The following ERCC6 variants were observed in gnomAD, a reference collection of about 807,000 sequenced individuals.
ERCC6 encodes the protein DNA excision repair protein ERCC-6.
ERCC6 carries 116 observed loss-of-function variants against 158.7 expected under a neutral mutation model. The observed-to-expected ratio is 0.73, with a 90% CI of 0.63 to 0.85. The LOEUF (loss-of-function observed/expected upper bound fraction) is 0.85, where lower values mean the gene tolerates loss of function less well. ERCC6 is among the 40% of genes least tolerant of loss of function. The pLI is 0.00. For synonymous variants in ERCC6, 678 were observed against 659.3 expected, an observed-to-expected ratio of 1.03 and a Z score of -0.43; for missense variants, 1,698 against 1,799.4, an observed-to-expected ratio of 0.94 and a Z score of 1.02.
chr10:49,482,012 T>C (rs1436527125), intron 10 of ERCC6, among the ~76,000 whole-genome samples: 1 of 152,064 alleles, frequency 6.6e-6, no homozygotes, highest in Non-Finnish European at 1.5e-5. Flanking sequence ...AACCCAGCCC[T>C]CCCTGAGTGC....
At chr10:49,533,383 T>C (rs4253009) in intron 1 of ERCC6, among the ~76,000 whole-genome samples, 67,629 of 152,058 alleles carry the variant, frequency 0.44, 16,205 homozygotes, top group Non-Finnish European at 0.53. Flanking sequence ...CTGTAATGCA[T>C]AGGAACAGCG....
chr10:49,521,992 C>T (rs562951189), intron 5 of ERCC6, among the ~76,000 whole-genome samples: 3 of 152,224 alleles, frequency 2.0e-5, no homozygotes, highest in Admixed American at 2.0e-4. Context: ...ACTCTCACTT[C>T]CTAGAGTTGA....
chr10:49,515,091 T>G, intron 5 of ERCC6: 1 of 806,624 alleles, frequency 1.2e-6, no homozygotes, highest in Non-Finnish European at 1.7e-6. Context: ...GAAGGCAATG[T>G]GCTCTCTAAG....
intron 5 of ERCC6, among the ~76,000 whole-genome samples, chr10:49,508,725 C>A (rs1212463555): frequency 5.9e-5 from 9 of 152,128 alleles, no homozygotes. Flanking sequence ...ATAAGCAATA[C>A]TTCCTCATGT....
At chr10:49,506,810 G>GA (rs530639675) in intron 5 of ERCC6, among the ~76,000 whole-genome samples, 99 of 139,712 alleles carry the variant, frequency 7.1e-4, no homozygotes, top group Non-Finnish European at 9.3e-4. Context: ...CGTGAGTGGG[G>GA]AAAAAAAAAA....
rs554317505 is a variant in ERCC6, at chr10:49,476,660, G to A, written c.2287-350C>T. Among the ~76,000 whole-genome samples, 321 of 152,076 alleles carry A rather than the reference G, an allele frequency of 2.1e-3. 1 individual carries two copies. The highest frequency in any genetic ancestry group is 7.5e-3 in the African/African-American group (310 of 41,464). ...CCATGACCCATGCCATGCTCTACTC[G>A]GCAGACCTGACCAGAGACCACAACC... On this transcript the variant is annotated intron_variant, in intron 11 of 20. Transcript: ENST00000355832.
chr10:49,439,890 A>C, the ERCC6 span, among the ~76,000 whole-genome samples: 1 of 151,894 alleles, frequency 6.6e-6, no homozygotes, highest in East Asian at 1.9e-4. Flanking sequence ...AGTCACCTTC[A>C]CTCCAGTTCC....
rs116431130 is a variant in ERCC6, at chr10:49,473,541, T to C, written c.2645A>G (p.Tyr882Cys). ...EVFLRAQKYT[Y>C]LKMDGTTTIA... ...TGTAGTGGTACCATCCATCTTGAGATAGGTATACTTTTGGGCTCTAAGGAA... is the reference window on the plus strand; with the variant it reads ...TGTAGTGGTACCATCCATCTTGAGACAGGTATACTTTTGGGCTCTAAGGAA... The change falls in exon 14 of 21, where the codon TAT (tyrosine) becomes TGT (cysteine). Residue 882 changes from tyrosine to cysteine, a missense_variant. By Grantham distance (194) the Tyr-to-Cys change is radical. Transcript: ENST00000355832. 3.5e-5 allele frequency: 56 copies of C among 1,613,502 alleles called. No homozygotes were observed. Among genetic ancestry groups the C allele is most frequent in the East Asian group, 2.5e-4 (11 of 44,880 alleles).
chr10:49,486,720 T>A (rs941368642), intron 8 of ERCC6, among the ~76,000 whole-genome samples: 1 of 152,144 alleles, frequency 6.6e-6, no homozygotes, highest in Non-Finnish European at 1.5e-5. Context: ...AAACCAATAC[T>A]GAACAATGTG....
chr10:49,536,843 T>C (rs1262850101), intron 1 of ERCC6, among the ~76,000 whole-genome samples: 1 of 150,904 alleles, frequency 6.6e-6, no homozygotes, highest in Admixed American at 6.6e-5. Flanking sequence ...CTGAGAAGAG[T>C]AGCTGAAGCA....
intron 5 of ERCC6, among the ~76,000 whole-genome samples, chr10:49,522,841 G>A (rs762461275): frequency 1.4e-4 from 22 of 152,190 alleles, no homozygotes; most frequent in Admixed American, 2.6e-4. Context: ...AAGCTGTGCT[G>A]AGGGATGACA....
Position 49,461,475 on chromosome 10 carries a change from T to C in ERCC6, c.3860A>G (p.Asn1287Ser), listed in dbSNP as rs1477858337. ...TTTCAGGGCATCCTGGGCCACTCGG[T>C]TGGCTTCTGCCTCCACCAGTACATA... ...PDYVLVEAEA[N>S]RVAQDALKAL... The change falls in exon 19 of 21, where the codon AAC (asparagine) becomes AGC (serine). Residue 1287 changes from asparagine to serine, a missense_variant. By Grantham distance (46) the Asn-to-Ser change is conservative. Coordinates refer to ENST00000355832, the MANE Select transcript of ERCC6 (RefSeq NM_000124.4). 6.2e-6 allele frequency: 10 copies of C among 1,614,168 alleles called. No individual in the cohort carries two copies. The highest frequency in any genetic ancestry group is 8.5e-6 in the Non-Finnish European group (10 of 1,180,018).
In ERCC6 at chr10:49,476,220, T is replaced by C. The variant is rs1174268737; in HGVS notation, c.2377A>G (p.Met793Val). 1 of 1,609,612 alleles carries C rather than the reference T, an allele frequency of 6.2e-7. No homozygotes were observed. ...KEVYRILNGE[M>V]QIFSGLIALR... ...GCTTCTATTTTTTAGCTGACCTGCA[T>C]CTCTCCATTGAGAATCCTGTAAACT... is the stretch of plus-strand genomic sequence containing the variant. The change falls in exon 12 of 21, where the codon ATG becomes GTG. Residue 793 changes from methionine to valine, a missense_variant. Transcript: ENST00000355832.
the ERCC6 span, among the ~76,000 whole-genome samples, chr10:49,439,344 C>T: frequency 6.6e-6 from 1 of 152,372 alleles, no homozygotes; most frequent in East Asian, 1.9e-4. Flanking sequence ...GCTGCCAAGG[C>T]TTGGGGCTTG....
At chr10:49,530,072 C>G (rs1031585584) in intron 3 of ERCC6, among the ~76,000 whole-genome samples, 2 of 151,930 alleles carry the variant, frequency 1.3e-5, no homozygotes, top group African/African-American at 2.4e-5. Context: ...CACCAAGAAA[C>G]AGAGTGGAGA....
intron 8 of ERCC6, among the ~76,000 whole-genome samples, chr10:49,486,225 AAGTC>A (rs1851075728): frequency 6.6e-6 from 1 of 152,206 alleles, no homozygotes; most frequent in African/African-American, 2.4e-5. Context: ...CTCTGAGAGA[AAGTC>A]AGATCAAAGA....
chr10:49,450,828 T>C (rs1192381355), downstream of ERCC6, among the ~76,000 whole-genome samples: 3 of 152,130 alleles, frequency 2.0e-5, no homozygotes, highest in Admixed American at 6.5e-5. Flanking sequence ...TTTTTTTTTT[T>C]TGAGATGGAG....
chr10:49,451,656 G>A (rs992299552), downstream of ERCC6, among the ~76,000 whole-genome samples: 6 of 152,092 alleles, frequency 3.9e-5, no homozygotes, highest in Non-Finnish European at 7.4e-5. Context: ...TATGTTGCTG[G>A]ATTTGGTTTG....
At chr10:49,483,248 G>A in intron 9 of ERCC6, 98 bp downstream of exon 9, 3 of 1,283,488 alleles carry the variant, frequency 2.3e-6, no homozygotes, top group Non-Finnish European at 3.4e-6. Context: ...GTTGGCACAA[G>A]GAAAGATTCA....
Sources: allele counts gnomAD v4.1 joint callset (sites outside exome capture counted in the v4.1 genomes callset), GRCh38; gene constraint gnomAD v4.1.1; transcripts MANE v1.5; gene names NCBI Gene and HGNC (gene_info 2026-07-23, HGNC 2026-07-21).